The following SPIRE1 variants were observed in gnomAD, a reference collection of about 807,000 sequenced individuals.
The protein encoded by SPIRE1 is spire type actin nucleation factor 1.
A neutral mutation model predicts 94.1 loss-of-function variants in SPIRE1; 40 were observed. The ratio of observed to expected loss-of-function variants is 0.43; its 90% CI spans 0.33 to 0.55. SPIRE1 has a LOEUF of 0.55. SPIRE1 is among the 20% of genes least tolerant of loss of function. The pLI is 0.06. For missense variants in SPIRE1, 838 were observed against 975.2 expected (o/e 0.86, Z 1.87); for synonymous variants, 376 against 371.7 (o/e 1.01, Z -0.13).
At chr18:12,655,155 C>A (rs1346515192) in intron 1 of SPIRE1, among the ~76,000 whole-genome samples, 1 of 151,344 alleles carries the variant, frequency 6.6e-6, no homozygotes, top group Non-Finnish European at 1.5e-5. Context: ...GAGTTCCAGG[C>A]TGCAATGAGC....
chr18:12,452,627 C>T (rs2031302595), intron 14 of SPIRE1, 115 bp from the exon 15 acceptor site: 2 of 1,032,540 alleles, frequency 1.9e-6, no homozygotes, highest in East Asian at 4.9e-5. Context: ...ATAACTCTCC[C>T]TTCTTCTATT....
intron 6 of SPIRE1, among the ~76,000 whole-genome samples, chr18:12,500,755 T>C (rs1488841219): frequency 6.6e-6 from 1 of 151,952 alleles, no homozygotes; most frequent in Non-Finnish European, 1.5e-5. Context: ...ATAAACAAAA[T>C]ATATCTGTAT....
At chr18:12,501,092 A>G (rs1282397681) in intron 6 of SPIRE1, among the ~76,000 whole-genome samples, 8 of 147,888 alleles carry the variant, frequency 5.4e-5, no homozygotes, top group East Asian at 1.9e-4. Context: ...AAAAAAAAAA[A>G]AAAGAAAAAA....
At position 12,622,544 on chromosome 18, in the gene SPIRE1, TC is replaced by T. The variant is rs534366360; in HGVS notation, c.372+12517del. ...TTCACGCCATTCTCCTGCCTCAGCCTCCTGAGTAGCTGGGACTACAGGCACC... is the reference window on the plus strand; with the variant it reads ...TTCACGCCATTCTCCTGCCTCAGCCTCTGAGTAGCTGGGACTACAGGCACC... On this transcript the variant is annotated intron_variant, in intron 2 of 16. Transcript: ENST00000409402. Among the ~76,000 whole-genome samples the T allele has an allele frequency of 5.9e-4, 88 of 149,706 alleles. No homozygotes were observed. The South Asian group carries it at 7.1e-3, about 12-fold the overall frequency.
intron 2 of SPIRE1, among the ~76,000 whole-genome samples, chr18:12,566,535 T>C (rs1372255203): frequency 2.0e-5 from 3 of 152,154 alleles, no homozygotes; most frequent in Non-Finnish European, 4.4e-5. Context: ...ATGTATTCAA[T>C]TATGTATGCT....
intron 2 of SPIRE1, among the ~76,000 whole-genome samples, chr18:12,601,426 A>G (rs2036832089): frequency 6.6e-6 from 1 of 152,152 alleles, no homozygotes; most frequent in African/African-American, 2.4e-5. Context: ...CCATTTCAAA[A>G]AAAACGAAAA....
At chr18:12,471,384 C>CT (rs975751031) in intron 10 of SPIRE1, among the ~76,000 whole-genome samples, 4,170 of 137,600 alleles carry the variant, frequency 0.03, 188 homozygotes, top group African/African-American at 0.096. Flanking sequence ...TGGTTTCTTT[C>CT]TTTTTTTTTT....
At position 12,485,942 on chromosome 18, in the gene SPIRE1, G is replaced by GT. The variant is rs538222011; in HGVS notation, c.1231+16dup. ...CAAAACCCACGTCAGGTGTAAAAGT[G>GT]TTTTTGTTTTTTTTACCTGACAAGT... On this transcript the variant is annotated intron_variant, in intron 9 of 16. Transcript: ENST00000409402. The GT allele has an allele frequency of 3.1e-5, 47 of 1,526,140 alleles. No homozygotes were observed. The highest frequency in any genetic ancestry group is 4.1e-5 in the Non-Finnish European group (46 of 1,133,924). 94.5% of individuals were successfully genotyped at this position (1,526,140 alleles called of 1,614,324 possible).
chr18:12,658,440 CG>C (rs1364214795), upstream of SPIRE1: 3 of 407,514 alleles, frequency 7.4e-6, no homozygotes, highest in Admixed American at 2.8e-5. Context: ...GGCGCGCGGT[CG>C]GGGGGCGCAG....
At chr18:12,453,433 A>ATTTTT (rs34797411) in intron 13 of SPIRE1, among the ~76,000 whole-genome samples, 1 of 144,514 alleles carries the variant, frequency 6.9e-6, no homozygotes, top group Non-Finnish European at 1.5e-5. Flanking sequence ...TCTCAGATAC[A>ATTTTT]TTTTTTTTTT....
intron 16 of SPIRE1, chr18:12,450,897 A>C (rs1232023972): frequency 2.8e-6 from 2 of 710,572 alleles, no homozygotes; most frequent in Non-Finnish European, 5.1e-6. Flanking sequence ...CTGAAGGAAA[A>C]GTATGAGAAG....
chr18:12,597,064 C>A (rs897669911), intron 2 of SPIRE1, among the ~76,000 whole-genome samples: 5 of 151,882 alleles, frequency 3.3e-5, no homozygotes, highest in African/African-American at 1.2e-4. Flanking sequence ...TTCTTCTCTT[C>A]CTGTGCTCTT....
intron 2 of SPIRE1, among the ~76,000 whole-genome samples, chr18:12,602,197 A>G (rs2036854079): frequency 6.6e-6 from 1 of 152,196 alleles, no homozygotes; most frequent in Non-Finnish European, 1.5e-5. Flanking sequence ...CCTAACAGAC[A>G]GCAACATAAG....
Position 12,506,379 on chromosome 18 carries a change from G to C in SPIRE1, c.972+98C>G, listed in dbSNP as rs1397925106. ...TCACCATGTTGGTCAAGCTGGTCTT[G>C]AACTCCTGACCTCAGATGATCCACC... On this transcript the variant is annotated intron_variant, in intron 6 of 16. Coordinates refer to ENST00000409402, the MANE Select transcript of SPIRE1 (RefSeq NM_001128626.2). 51 of 1,048,834 alleles carry C rather than the reference G, an allele frequency of 4.9e-5. 1 individual carries two copies. In the Admixed American group the frequency reaches 9.4e-4, roughly 19 times the overall value. 65.0% of individuals were successfully genotyped at this position (1,048,834 alleles called of 1,614,324 possible).
intron 2 of SPIRE1, among the ~76,000 whole-genome samples, chr18:12,628,876 G>A (rs558047523): frequency 1.3e-5 from 2 of 152,256 alleles, no homozygotes; most frequent in Non-Finnish European, 2.9e-5. Flanking sequence ...GAATGAGTAA[G>A]CTGTAAAATA....
chr18:12,502,518 G>A (rs922701269), intron 6 of SPIRE1, among the ~76,000 whole-genome samples: 1 of 152,128 alleles, frequency 6.6e-6, no homozygotes, highest in African/African-American at 2.4e-5. Flanking sequence ...TTGGCAATAG[G>A]AACGGTCTTG....
chr18:12,562,064 GT>G (rs1465427385), intron 2 of SPIRE1, among the ~76,000 whole-genome samples: 7 of 152,128 alleles, frequency 4.6e-5, no homozygotes, highest in African/African-American at 1.7e-4. Context: ...AGTTTACAAA[GT>G]TTTCTTTTTG....
chr18:12,658,586 C>T (rs578198884), upstream of SPIRE1: 2 of 470,938 alleles, frequency 4.2e-6, no homozygotes, highest in East Asian at 7.0e-5. Context: ...GCTGGATCGC[C>T]GAAGGTCTGG....
At chr18:12,565,199 C>T (rs181714372) in intron 2 of SPIRE1, among the ~76,000 whole-genome samples, 5 of 152,180 alleles carry the variant, frequency 3.3e-5, no homozygotes, top group African/African-American at 7.2e-5. Flanking sequence ...AAAACCACAC[C>T]TTACCTATGG....
Sources: gnomAD v4.1 joint callset for allele counts (sites outside exome capture counted in the v4.1 genomes callset) on GRCh38, gnomAD v4.1.1 for gene constraint, MANE v1.5 for transcripts, NCBI Gene and HGNC (gene_info 2026-07-23, HGNC 2026-07-21) for gene names.